Variants in RERE observed in about 807,000 individuals in gnomAD.
The protein encoded by RERE is arginine-glutamic acid dipeptide repeats protein.
In RERE, 40 loss-of-function variants were observed where a neutral mutation model predicts 146.1. The ratio of observed to expected loss-of-function variants is 0.27; its 90% CI spans 0.21 to 0.36. RERE has a LOEUF of 0.36. Among genes scored for constraint, RERE ranks in the 10% least tolerant of loss-of-function variants. The pLI is 1.00. For missense variants in RERE, 1,933 were observed against 2,138.7 expected, an observed-to-expected ratio of 0.90 and a Z score of 1.90; for synonymous variants, 1,003 against 866.0, an observed-to-expected ratio of 1.16 and a Z score of -2.78.
At chr1:8,645,318 T>C (rs1647261370) in intron 2 of RERE, among the ~76,000 whole-genome samples, 2 of 152,222 alleles carry the variant, frequency 1.3e-5, no homozygotes, top group African/African-American at 4.8e-5. Flanking sequence ...TTGAACTGCA[T>C]GCATCATATT....
intron 12 of RERE, among the ~76,000 whole-genome samples, chr1:8,386,011 TATATATATATA>T (rs1187532808): frequency 2.3e-5 from 1 of 42,704 alleles, no homozygotes; most frequent in Non-Finnish European, 4.4e-5. Flanking sequence ...TATATATATA[TATATATATATA>T]TTTTTTTTTT....
chr1:8,793,897 C>A (rs1399569500), intron 1 of RERE, among the ~76,000 whole-genome samples: 1 of 151,728 alleles, frequency 6.6e-6, no homozygotes, highest in East Asian at 1.9e-4. Context: ...AACCTCATCT[C>A]TACTAAAAAT....
intron 12 of RERE, among the ~76,000 whole-genome samples, chr1:8,399,784 A>T (rs571749943): frequency 9.4e-4 from 143 of 151,700 alleles, no homozygotes; most frequent in African/African-American, 3.3e-3. Context: ...TAGGTCTTTT[A>T]ATATTTTATT....
chr1:8,772,711 T>C (rs1036239030), intron 1 of RERE, among the ~76,000 whole-genome samples: 4 of 151,932 alleles, frequency 2.6e-5, no homozygotes, highest in East Asian at 3.9e-4. Context: ...ACCCGGAAGG[T>C]AGAGGTTGCA....
intron 10 of RERE, among the ~76,000 whole-genome samples, chr1:8,475,213 A>G (rs540755978): frequency 6.7e-6 from 1 of 150,130 alleles, no homozygotes; most frequent in South Asian, 2.1e-4. Context: ...GTCTCTACCA[A>G]AAACACAAAA....
At chr1:8,716,610 C>T (rs1045595509) in intron 1 of RERE, among the ~76,000 whole-genome samples, 12 of 150,956 alleles carry the variant, frequency 7.9e-5, no homozygotes, top group Non-Finnish European at 4.4e-5. Context: ...CTAAAATAAA[C>T]AAACAAAAAA....
At chr1:8,545,293 G>A (rs923796343) in intron 6 of RERE, among the ~76,000 whole-genome samples, 6 of 152,136 alleles carry the variant, frequency 3.9e-5, no homozygotes, top group Admixed American at 6.5e-5. Context: ...AAGGCGTCCC[G>A]GAAATGACTC....
chr1:8,723,270 T>C (rs1190890764), intron 1 of RERE, among the ~76,000 whole-genome samples: 1 of 152,130 alleles, frequency 6.6e-6, no homozygotes, highest in Non-Finnish European at 1.5e-5. Context: ...AATAAACAAT[T>C]CAGTCTGAAA....
chr1:8,677,445 G>GAAAGA (rs1456319730), intron 1 of RERE, among the ~76,000 whole-genome samples: 9 of 95,444 alleles, frequency 9.4e-5, no homozygotes, highest in Non-Finnish European at 1.8e-4. Context: ...AAAAAAGAAA[G>GAAAGA]AAAGAAAAGA....
At chr1:8,378,590 C>T (rs776469909) in intron 12 of RERE, among the ~76,000 whole-genome samples, 12 of 152,160 alleles carry the variant, frequency 7.9e-5, no homozygotes, top group Non-Finnish European at 1.5e-4. Flanking sequence ...GAAGGAAGAC[C>T]ACGGGAAGAC....
chr1:8,644,727 C>T (rs1488501408), intron 2 of RERE, among the ~76,000 whole-genome samples: 1 of 152,146 alleles, frequency 6.6e-6, no homozygotes, highest in Non-Finnish European at 1.5e-5. Context: ...AACTTCTGGG[C>T]TCAAGTGATC....
At chr1:8,588,167 T>A (rs1392624169) in intron 4 of RERE, among the ~76,000 whole-genome samples, 1 of 152,214 alleles carries the variant, frequency 6.6e-6, no homozygotes, top group African/African-American at 2.4e-5. Context: ...TCCTGCGCAA[T>A]GGACTGTTCT....
chr1:8,550,736 C>T (rs999042095), intron 6 of RERE, among the ~76,000 whole-genome samples: 5 of 152,060 alleles, frequency 3.3e-5, no homozygotes, highest in Admixed American at 6.5e-5. Flanking sequence ...TTAGTAGAGA[C>T]GGGGTTTTGC....
At chr1:8,804,072 C>G (rs1641639126) in intron 1 of RERE, among the ~76,000 whole-genome samples, 1 of 152,088 alleles carries the variant, frequency 6.6e-6, no homozygotes, top group South Asian at 2.1e-4. Context: ...GCACATTTTT[C>G]CAGTTTATAG....
At chr1:8,593,858 C>A (rs1350641969) in intron 4 of RERE, among the ~76,000 whole-genome samples, 1 of 152,204 alleles carries the variant, frequency 6.6e-6, no homozygotes, top group African/African-American at 2.4e-5. Flanking sequence ...CAGCCACCAT[C>A]TGGGACCATG....
chr1:8,376,937 T>C (rs1053303603), intron 12 of RERE, among the ~76,000 whole-genome samples: 2 of 152,224 alleles, frequency 1.3e-5, no homozygotes, highest in Admixed American at 1.3e-4. Context: ...AGCAGATCTA[T>C]TAAAAAAAAT....
intron 10 of RERE, among the ~76,000 whole-genome samples, chr1:8,468,372 T>C (rs745629969): frequency 3.3e-5 from 5 of 152,180 alleles, no homozygotes; most frequent in Admixed American, 1.3e-4. Context: ...AAGCAGACAT[T>C]TGTCAAGTTC....
intron 11 of RERE, among the ~76,000 whole-genome samples, chr1:8,442,119 T>C (rs1022854000): frequency 6.6e-6 from 1 of 152,168 alleles, no homozygotes; most frequent in African/African-American, 2.4e-5. Flanking sequence ...GCATGGTGGC[T>C]CACACCTGTA....
chr1:8,434,199 A>G (rs890333681), intron 11 of RERE, among the ~76,000 whole-genome samples: 6 of 152,156 alleles, frequency 3.9e-5, no homozygotes, highest in African/African-American at 1.4e-4. Flanking sequence ...CAGGTCTTTC[A>G]GTGTGTGAGG....
Sources: gnomAD v4.1 joint callset for allele counts (sites outside exome capture counted in the v4.1 genomes callset) on GRCh38, gnomAD v4.1.1 for gene constraint, MANE v1.5 for transcripts, NCBI Gene and HGNC (gene_info 2026-07-23, HGNC 2026-07-21) for gene names.